The following STIM1 variants were observed in gnomAD, a reference collection of about 807,000 sequenced individuals.
STIM1 encodes stromal interaction molecule 1.
In STIM1, 25 loss-of-function variants were observed where a neutral mutation model predicts 74.7. The ratio of observed to expected loss-of-function variants is 0.33; its 90% confidence interval spans 0.24 to 0.47. STIM1 has a LOEUF of 0.47. Among genes scored for constraint, STIM1 ranks in the 20% least tolerant of loss-of-function variants. The pLI is 1.00. For missense variants in STIM1, 728 were observed against 920.8 expected, an observed-to-expected ratio of 0.79 and a Z score of 2.71; for synonymous variants, 328 against 348.8, an observed-to-expected ratio of 0.94 and a Z score of 0.66.
chr11:3,928,034 A>G (rs2092809599), intron 1 of STIM1, among the ~76,000 whole-genome samples: 1 of 152,140 alleles, frequency 6.6e-6, no homozygotes, highest in Non-Finnish European at 1.5e-5. Context: ...CCCTATTCCC[A>G]GGGCCTAGAT....
intron 5 of STIM1, among the ~76,000 whole-genome samples, chr11:4,068,030 C>A (rs903890877): frequency 3.9e-5 from 6 of 152,150 alleles, no homozygotes; most frequent in Non-Finnish European, 8.8e-5. Context: ...ATACATTTGA[C>A]AAGGCAGAGG....
intron 1 of STIM1, among the ~76,000 whole-genome samples, chr11:3,921,127 G>A (rs2092712265): frequency 6.6e-6 from 1 of 151,976 alleles, no homozygotes; most frequent in African/African-American, 2.4e-5. Flanking sequence ...GCAAGGTGGT[G>A]GTCTCTATCC....
At chr11:3,976,481 T>C (rs755307217) in intron 2 of STIM1, among the ~76,000 whole-genome samples, 6 of 152,194 alleles carry the variant, frequency 3.9e-5, no homozygotes, top group Non-Finnish European at 7.4e-5. Flanking sequence ...GTTACATGAA[T>C]CTATTAATAA....
At chr11:3,947,893 T>C (rs1267447424) in intron 1 of STIM1, among the ~76,000 whole-genome samples, 3 of 152,186 alleles carry the variant, frequency 2.0e-5, no homozygotes, top group African/African-American at 7.2e-5. Context: ...CTTTACAAAG[T>C]TTCAAAGAGA....
chr11:3,953,093 C>T (rs1051549219), intron 1 of STIM1, among the ~76,000 whole-genome samples: 2 of 152,178 alleles, frequency 1.3e-5, no homozygotes, highest in African/African-American at 2.4e-5. Context: ...TAGCTGAGTG[C>T]ACCCTGGAGG....
intron 12 of STIM1, 117 bp from the exon 13 acceptor site, chr11:4,091,165 C>T: frequency 7.1e-7 from 1 of 1,411,636 alleles, no homozygotes. Context: ...GCCGCTCTAT[C>T]CCCATTTTCC....
intron 1 of STIM1, among the ~76,000 whole-genome samples, chr11:3,962,043 G>T (rs1398931603): frequency 1.3e-5 from 2 of 152,132 alleles, no homozygotes; most frequent in African/African-American, 4.8e-5. Context: ...CTTAAACTAG[G>T]TGTCTGTAAA....
At chr11:4,013,592 G>C (rs1245615473) in intron 2 of STIM1, among the ~76,000 whole-genome samples, 1 of 150,614 alleles carries the variant, frequency 6.6e-6, no homozygotes, top group Non-Finnish European at 1.5e-5. Context: ...TGTGGGATCG[G>C]TGGCGATATC....
At chr11:3,961,799 C>T (rs1359767730) in intron 1 of STIM1, among the ~76,000 whole-genome samples, 10 of 152,114 alleles carry the variant, frequency 6.6e-5, no homozygotes, top group African/African-American at 1.7e-4. Context: ...TGAGCCACTG[C>T]GCCCGGCCAA....
At chr11:3,881,800 G>A (rs1036908678) in intron 1 of STIM1, among the ~76,000 whole-genome samples, 15 of 151,690 alleles carry the variant, frequency 9.9e-5, no homozygotes, top group African/African-American at 7.3e-5. Flanking sequence ...TCTCCTGCCT[G>A]TAGCTGGGAT....
intron 3 of STIM1, among the ~76,000 whole-genome samples, chr11:4,029,704 T>C (rs2094031703): frequency 6.6e-6 from 1 of 152,200 alleles, no homozygotes; most frequent in African/African-American, 2.4e-5. Context: ...CACCCTGAGC[T>C]GCCGAGGATA....
chr11:3,942,674 G>A (rs564695182), intron 1 of STIM1, among the ~76,000 whole-genome samples: 1 of 152,270 alleles, frequency 6.6e-6, no homozygotes, highest in South Asian at 2.1e-4. Context: ...TGTTTATACA[G>A]CATTAAAGGA....
chr11:3,978,823 C>G (rs1350754298), intron 2 of STIM1, among the ~76,000 whole-genome samples: 2 of 151,992 alleles, frequency 1.3e-5, no homozygotes, highest in African/African-American at 4.8e-5. Flanking sequence ...TTCATTGTCC[C>G]ATCCAGAGTA....
chr11:3,899,494 C>G (rs1321777788), intron 1 of STIM1, among the ~76,000 whole-genome samples: 1 of 139,362 alleles, frequency 7.2e-6, no homozygotes, highest in Non-Finnish European at 1.6e-5. Flanking sequence ...TTTTCCTAAT[C>G]GAATACCCTT....
At chr11:3,869,719 A>G (rs368047397) in intron 1 of STIM1, among the ~76,000 whole-genome samples, 1 of 152,194 alleles carries the variant, frequency 6.6e-6, no homozygotes, top group African/African-American at 2.4e-5. Flanking sequence ...CGTTTTGACA[A>G]GGGGAGAGAC....
At chr11:3,895,886 T>C (rs976752331) in intron 1 of STIM1, among the ~76,000 whole-genome samples, 21 of 140,868 alleles carry the variant, frequency 1.5e-4, no homozygotes, top group African/African-American at 6.0e-4. Context: ...CTTTTCTTTC[T>C]TTTCTTTCTT....
intron 1 of STIM1, among the ~76,000 whole-genome samples, chr11:3,967,195 CTTT>C (rs1485371930): frequency 6.6e-6 from 1 of 152,114 alleles, no homozygotes; most frequent in African/African-American, 2.4e-5. Context: ...ATATGTATTT[CTTT>C]GATTACTAAT....
chr11:4,092,413 A>G lies in STIM1; in HGVS notation c.*615A>G, dbSNP rs538953342. On this transcript the variant is annotated 3_prime_UTR_variant, in exon 13 of 13. Transcript: ENST00000526596. ...GGGGGAGTGAAACCAATTCTCAGAG[A>G]ACAACCCACCAGAGACTTTTAAAGA... 5 of 163,960 alleles carry G rather than the reference A, an allele frequency of 3.0e-5. No homozygotes were observed. The highest frequency in any genetic ancestry group is 1.2e-4 in the African/African-American group (5 of 41,702). 10.2% of individuals were successfully genotyped at this position (163,960 alleles called of 1,614,324 possible).
At position 4,005,620 on chromosome 11, in the gene STIM1, C is replaced by T. The variant is rs151023572; in HGVS notation, c.271-18253C>T. ...GGGAGCGATAGCTTTAGGAGATATA[C>T]CTAATGCTAAATGACGAGTTAATGG... On this transcript the variant is annotated intron_variant, in intron 2 of 12. Transcript: ENST00000526596. 3.7e-3 allele frequency among the ~76,000 whole-genome samples: 567 copies of T among 151,902 alleles called. 3 individuals carry two copies. Among genetic ancestry groups the T allele is most frequent in the African/African-American group, 0.013 (532 of 41,374 alleles).
Sources: allele counts gnomAD v4.1 joint callset (sites outside exome capture counted in the v4.1 genomes callset), GRCh38; gene constraint gnomAD v4.1.1; transcripts MANE v1.5; gene names NCBI Gene and HGNC (gene_info 2026-07-23, HGNC 2026-07-21).